ESF1: variants seen among roughly 807,000 people sequenced by gnomAD.
ESF1 encodes the protein ESF1 homolog.
A neutral mutation model predicts 92.0 loss-of-function variants in ESF1; 58 were observed. That is an observed-to-expected ratio of 0.63 (90% CI 0.51 to 0.78). The LOEUF (loss-of-function observed/expected upper bound fraction) is 0.78. ESF1 is among the 30% of genes least tolerant of loss of function. The probability of loss-of-function intolerance (pLI) is 0.00; values close to 1 mark genes in which losing one functional copy is unlikely to be tolerated. For synonymous variants in ESF1, 321 were observed against 313.7 expected (o/e 1.02, Z -0.24); for missense variants, 922 against 989.1 (o/e 0.93, Z 0.91).
At chr20:13,760,090 T>C (rs1297113970) in intron 8 of ESF1, among the ~76,000 whole-genome samples, 1 of 152,272 alleles carries the variant, frequency 6.6e-6, no homozygotes, top group African/African-American at 2.4e-5. Context: ...TATTAAAATT[T>C]ATATTGGATA....
At chr20:13,721,622 A>G (rs992213855) in intron 11 of ESF1, among the ~76,000 whole-genome samples, 1 of 152,090 alleles carries the variant, frequency 6.6e-6, no homozygotes, top group Admixed American at 6.5e-5. Flanking sequence ...AGCAAAACCT[A>G]AAGTCAAAAG....
In ESF1 at chr20:13,717,444, A is replaced by G. The variant is rs201721575; in HGVS notation, c.2186T>C (p.Val729Ala). Reference sequence around the variant, plus strand: ...CTTTTTGCTCAGATTCTGGTGCTCCACAATCTTGTTGTAATTGAAGTGTTT... The same window carrying G: ...CTTTTTGCTCAGATTCTGGTGCTCCGCAATCTTGTTGTAATTGAAGTGTTT... ...SKKHFNYNKI[V>A]EHQNLSKKKK... is the part of the protein sequence containing the mutation. Residue 729 changes from valine to alanine, a missense_variant, in exon 13 of 14, where the codon GTG becomes GCG. Coordinates refer to ENST00000617257, the MANE Select transcript of ESF1 (RefSeq NM_001276380.2). The G allele has an allele frequency of 8.1e-5, 131 of 1,613,966 alleles. No individual in the cohort carries two copies. The highest frequency in any genetic ancestry group is 5.3e-5 in the Non-Finnish European group (62 of 1,180,022).
At position 13,782,600 on chromosome 20, in the gene ESF1, G is replaced by GAGA. The variant is rs1980245578; in HGVS notation, c.538_540dup (p.Ser180dup). The GAGA allele has an allele frequency of 6.3e-7, 1 of 1,596,884 alleles. No homozygotes were observed. Among genetic ancestry groups the GAGA allele is most frequent in the African/African-American group, 1.4e-5 (1 of 73,740 alleles). On this transcript the variant is annotated inframe_insertion, in exon 2 of 14. Transcript: ENST00000617257. ...TCTAATGTCCTTTGTTTTTCTTCGA[G>GAGA]AGAAGAGTCTGTAGTATGTTGAACA...
At chr20:13,756,702 A>G (rs1978912579) in intron 9 of ESF1, among the ~76,000 whole-genome samples, 2 of 152,228 alleles carry the variant, frequency 1.3e-5, no homozygotes, top group East Asian at 1.9e-4. Flanking sequence ...AGGTTGATCT[A>G]CAGCACATGT....
chr20:13,772,955 A>G (rs540002754), intron 4 of ESF1, among the ~76,000 whole-genome samples: 1 of 152,350 alleles, frequency 6.6e-6, no homozygotes, highest in East Asian at 1.9e-4. Context: ...AAACACACAC[A>G]TGAAAAATGA....
intron 9 of ESF1, among the ~76,000 whole-genome samples, chr20:13,740,511 T>C (rs377261042): frequency 2.0e-5 from 3 of 152,144 alleles, no homozygotes; most frequent in Non-Finnish European, 2.9e-5. Flanking sequence ...ATATGAGTTA[T>C]CAGATTCAGA....
intron 1 of ESF1, among the ~76,000 whole-genome samples, chr20:13,783,766 A>T (rs1229372852): frequency 6.6e-6 from 1 of 152,180 alleles, no homozygotes; most frequent in East Asian, 1.9e-4. Context: ...AGTGAGCCTA[A>T]CGGCACTACA....
chr20:13,765,410 G>C (rs1419652987), intron 8 of ESF1, among the ~76,000 whole-genome samples: 1 of 152,192 alleles, frequency 6.6e-6, no homozygotes, highest in Non-Finnish European at 1.5e-5. Context: ...TGTCAAGTTA[G>C]AGAAGACTTA....
chr20:13,771,908 C>T (rs1208068064), intron 5 of ESF1, among the ~76,000 whole-genome samples: 1 of 122,202 alleles, frequency 8.2e-6, no homozygotes, highest in African/African-American at 2.9e-5. Flanking sequence ...AACTACAACA[C>T]ATTCTTTTTT....
chr20:13,737,384 A>T (rs1459347553), intron 9 of ESF1, among the ~76,000 whole-genome samples: 1 of 152,240 alleles, frequency 6.6e-6, no homozygotes, highest in African/African-American at 2.4e-5. Context: ...CACAAAAATA[A>T]GAGTATACAT....
chr20:13,725,058 T>C (rs1411315289), intron 11 of ESF1, among the ~76,000 whole-genome samples: 1 of 152,046 alleles, frequency 6.6e-6, no homozygotes, highest in African/African-American at 2.4e-5. Context: ...ACCTGAACAC[T>C]CTCCTTAAAA....
intron 2 of ESF1, 82 bp downstream of exon 2, chr20:13,782,422 A>C: frequency 4.3e-6 from 5 of 1,175,154 alleles, no homozygotes; most frequent in Non-Finnish European, 1.2e-6. Context: ...GAAAATACTT[A>C]TTAATGTGTT....
chr20:13,783,158 G>T lies in ESF1; in HGVS notation c.-18C>A, dbSNP rs772886789. 7 of 1,579,772 alleles carry T rather than the reference G, an allele frequency of 4.4e-6. No individual in the cohort carries two copies. The highest frequency in any genetic ancestry group is 3.7e-4 in the Middle Eastern group (2 of 5,392). The stretch of plus-strand genomic sequence containing the variant: ...GATGACATTTTTAATTCTTAATCTC[G>T]ACCAAATGCTTGAAGAAAACAAATA... On this transcript the variant is annotated 5_prime_UTR_variant, in exon 2 of 14. Transcript: ENST00000617257.
In ESF1 at chr20:13,714,595, T is replaced by C. The variant is rs1322043843; in HGVS notation, c.*279A>G. ...AGCCTTTTAAAAAGCTAGAGTAACT[T>C]TCCACTAGTTAGAACTGAACATTGT... is the stretch of plus-strand genomic sequence containing the variant. On this transcript the variant is annotated 3_prime_UTR_variant, in exon 14 of 14. Coordinates refer to ENST00000617257, the MANE Select transcript of ESF1 (RefSeq NM_001276380.2). The C allele has an allele frequency of 1.4e-5, 3 of 212,804 alleles. No homozygotes were observed. The highest frequency in any genetic ancestry group is 6.9e-5 in the African/African-American group (3 of 43,722). The allele number at this position is 212,804 out of a possible 1,614,324, so 13.2% of individuals were successfully genotyped here.
At chr20:13,743,363 C>G (rs1420820879) in intron 9 of ESF1, among the ~76,000 whole-genome samples, 1 of 152,202 alleles carries the variant, frequency 6.6e-6, no homozygotes, top group African/African-American at 2.4e-5. Flanking sequence ...TAAGATCCAG[C>G]AATCCCACTT....
At chr20:13,767,891 T>C (rs1342092419) in intron 7 of ESF1, among the ~76,000 whole-genome samples, 2 of 152,162 alleles carry the variant, frequency 1.3e-5, no homozygotes, top group African/African-American at 4.8e-5. Context: ...GCCACCTGTC[T>C]CAGAAATTCC....
At chr20:13,753,940 T>C (rs1978758001) in intron 9 of ESF1, among the ~76,000 whole-genome samples, 2 of 152,208 alleles carry the variant, frequency 1.3e-5, no homozygotes, top group African/African-American at 4.8e-5. Context: ...TCTCTAGTAG[T>C]CTGAGACTAA....
intron 11 of ESF1, among the ~76,000 whole-genome samples, chr20:13,724,067 C>T (rs950724609): frequency 1.6e-4 from 25 of 152,172 alleles, no homozygotes; most frequent in Admixed American, 2.6e-4. Context: ...GGCCGAGGCG[C>T]GCGGATCACC....
In ESF1 at chr20:13,748,746, C is replaced by T. The variant is rs190557954; in HGVS notation, c.1828+10946G>A. On this transcript the variant is annotated intron_variant, in intron 9 of 13. Coordinates refer to ENST00000617257, the MANE Select transcript of ESF1 (RefSeq NM_001276380.2). ...GGACTACAGGCACCCGCCACTAGGC[C>T]GGCTAATTTTTTTTGTATTTTTTAG... is the stretch of plus-strand genomic sequence containing the variant. 7.7e-3 allele frequency among the ~76,000 whole-genome samples: 1,160 copies of T among 151,090 alleles called. 6 individuals are homozygous for T. The highest frequency in any genetic ancestry group is 0.011 in the Non-Finnish European group (735 of 67,820).
Sources: gnomAD v4.1 joint callset for allele counts (sites outside exome capture counted in the v4.1 genomes callset) on GRCh38, gnomAD v4.1.1 for gene constraint, MANE v1.5 for transcripts, NCBI Gene and HGNC (gene_info 2026-07-23, HGNC 2026-07-21) for gene names.